ESR1: variants seen among roughly 807,000 people sequenced by gnomAD.
The protein encoded by ESR1 is estrogen receptor.
In ESR1, 12 loss-of-function variants were observed where a neutral mutation model predicts 52.7. That is an observed-to-expected ratio of 0.23 (90% CI 0.15 to 0.37). The LOEUF (loss-of-function observed/expected upper bound fraction) is 0.37, where lower values mean the gene tolerates loss of function less well. ESR1 is among the 10% of genes least tolerant of loss of function. ESR1 has a pLI of 1.00. For missense variants in ESR1, 584 were observed against 779.7 expected (o/e 0.75, Z 2.99); for synonymous variants, 305 against 316.8 (o/e 0.96, Z 0.39).
intron 2 of ESR1, among the ~76,000 whole-genome samples, chr6:151,783,723 G>A (rs1786762838): frequency 6.6e-6 from 1 of 152,148 alleles, no homozygotes; most frequent in South Asian, 2.1e-4. Flanking sequence ...AACCAATACT[G>A]TTATTTTATT....
At chr6:151,989,950 C>T (rs140849957) in intron 4 of ESR1, among the ~76,000 whole-genome samples, 67 of 152,008 alleles carry the variant, frequency 4.4e-4, no homozygotes, top group African/African-American at 1.2e-3. Flanking sequence ...TGTTTCTTTC[C>T]GTGTACAAAT....
At chr6:151,875,163 T>G (rs1211052697) in intron 2 of ESR1, among the ~76,000 whole-genome samples, 2 of 152,166 alleles carry the variant, frequency 1.3e-5, no homozygotes, top group African/African-American at 4.8e-5. Context: ...GCTTCATGGA[T>G]CCCTTCCTGG....
At chr6:151,879,787 A>G (rs1407728987) in intron 2 of ESR1, among the ~76,000 whole-genome samples, 1 of 152,176 alleles carries the variant, frequency 6.6e-6, no homozygotes, top group African/African-American at 2.4e-5. Context: ...TAGCTTGCTC[A>G]GAGTTCTCCA....
At chr6:151,810,499 G>A (rs1778643836) in intron 1 of ESR1, among the ~76,000 whole-genome samples, 1 of 152,142 alleles carries the variant, frequency 6.6e-6, no homozygotes, top group Admixed American at 6.5e-5. Flanking sequence ...ATGACTCTGG[G>A]TATAAAGGAA....
chr6:151,838,220 C>T (rs1008791050), intron 1 of ESR1, among the ~76,000 whole-genome samples: 4 of 152,048 alleles, frequency 2.6e-5, no homozygotes, highest in Non-Finnish European at 5.9e-5. Flanking sequence ...CCTTTGAGGC[C>T]GAAGGAGCAG....
chr6:151,804,501 T>G (rs1033391615), upstream of ESR1: 1 of 152,100 alleles, frequency 6.6e-6, no homozygotes, highest in Admixed American at 6.5e-5. Flanking sequence ...ACAGTCTTTC[T>G]TTTCAATATT....
At chr6:151,968,367 AC>A (rs1391535464) in intron 4 of ESR1, among the ~76,000 whole-genome samples, 1 of 152,200 alleles carries the variant, frequency 6.6e-6, no homozygotes, top group Non-Finnish European at 1.5e-5. Context: ...ATGGGCAAAT[AC>A]TTCATGACTA....
At chr6:152,112,900 A>G (rs1239636935) in intron 6 of ESR1, 1 of 152,278 alleles carries the variant, frequency 6.6e-6, no homozygotes, top group Non-Finnish European at 1.5e-5. Context: ...TCCAAGAAAA[A>G]ACAAAAAGGG....
intron 5 of ESR1, among the ~76,000 whole-genome samples, chr6:152,026,337 T>C (rs1162886988): frequency 1.3e-5 from 2 of 152,074 alleles, no homozygotes; most frequent in African/African-American, 4.8e-5. Flanking sequence ...AAGCTATTGA[T>C]TTATTTAATA....
At chr6:151,672,882 C>G (rs1409970209) in intron 1 of ESR1, among the ~76,000 whole-genome samples, 1 of 146,732 alleles carries the variant, frequency 6.8e-6, no homozygotes, top group East Asian at 2.0e-4. Context: ...AGGCTGGAGT[C>G]CAGTAGCACG....
At chr6:152,063,758 G>A (rs1203511925) in intron 6 of ESR1, among the ~76,000 whole-genome samples, 1 of 152,152 alleles carries the variant, frequency 6.6e-6, no homozygotes, top group Admixed American at 6.5e-5. Flanking sequence ...AAGCCAAGCT[G>A]GAAACGGCTC....
chr6:151,905,930 A>G (rs1797372530), intron 3 of ESR1, among the ~76,000 whole-genome samples: 2 of 152,152 alleles, frequency 1.3e-5, no homozygotes, highest in African/African-American at 4.8e-5. Context: ...AATACATGAA[A>G]CCCACTTATG....
Position 151,842,662 on chromosome 6 carries a change from G to A in ESR1, c.518G>A (p.Ser173Asn), listed in dbSNP as rs1478106900. 3.7e-6 allele frequency: 6 copies of A among 1,613,928 alleles called. No individual in the cohort carries two copies. Among genetic ancestry groups the A allele is most frequent in the Middle Eastern group, 1.7e-4 (1 of 6,058 alleles). ...ERLASTNDKG[S>N]MAMESAKETR... ...TTGGCCAGTACCAATGACAAGGGAA[G>A]TATGGCTATGGAATCTGCCAAGGAG... The change falls in exon 2 of 8, where the codon AGT (serine) becomes AAT (asparagine). Residue 173 changes from serine to asparagine, a missense_variant. Physicochemically the swap from Ser to Asn is conservative, Grantham distance 46 (BLOSUM62 1). This residue lies in a region of ESR1 where 251 missense variants were observed against 246.1 expected (regional missense o/e 1.02). Coordinates refer to ENST00000206249, the MANE Select transcript of ESR1 (RefSeq NM_000125.4).
chr6:151,719,643 T>G (rs1436694183), intron 2 of ESR1, among the ~76,000 whole-genome samples: 1 of 152,210 alleles, frequency 6.6e-6, no homozygotes, highest in Middle Eastern at 3.2e-3. Flanking sequence ...TAAATGTAAC[T>G]GAAAACTTTC....
chr6:151,672,276 A>G (rs979697848), intron 1 of ESR1, among the ~76,000 whole-genome samples: 1 of 152,138 alleles, frequency 6.6e-6, no homozygotes, highest in African/African-American at 2.4e-5. Context: ...TTATTTGTCA[A>G]TTAAAAAAAA....
At chr6:151,806,053 A>G (rs1307818418), upstream of ESR1, among the ~76,000 whole-genome samples, 1 of 152,176 alleles carries the variant, frequency 6.6e-6, no homozygotes, top group Non-Finnish European at 1.5e-5. Context: ...CATGTGTTTT[A>G]AAAAGGCATT....
At chr6:151,777,780 G>C (rs1786152656) in intron 2 of ESR1, among the ~76,000 whole-genome samples, 3 of 151,868 alleles carry the variant, frequency 2.0e-5, no homozygotes, top group African/African-American at 4.8e-5. Context: ...GCCAACATGG[G>C]GAAATCCCAA....
intron 3 of ESR1, among the ~76,000 whole-genome samples, chr6:151,890,825 A>G (rs1271751874): frequency 6.6e-6 from 1 of 151,930 alleles, no homozygotes; most frequent in Non-Finnish European, 1.5e-5. Context: ...TTTGGCTTCT[A>G]TTTTCATAGA....
chr6:151,726,727 G>C (rs1295314104), intron 2 of ESR1, among the ~76,000 whole-genome samples: 1 of 152,156 alleles, frequency 6.6e-6, no homozygotes, highest in Admixed American at 6.5e-5. Context: ...TGCCAAACTT[G>C]CTAATTTAAC....
Sources: allele counts gnomAD v4.1 joint callset (sites outside exome capture counted in the v4.1 genomes callset), GRCh38; gene constraint gnomAD v4.1.1; regional missense constraint gnomAD v4.1.1; transcripts MANE v1.5; gene names NCBI Gene and HGNC (gene_info 2026-07-23, HGNC 2026-07-21).